The following C6 variants were observed in gnomAD, a reference collection of about 807,000 sequenced individuals.
C6 encodes complement C6.
A neutral mutation model predicts 112.9 loss-of-function variants in C6; 101 were observed. That is an observed-to-expected ratio of 0.89 (90% CI 0.76 to 1.06). The LOEUF (loss-of-function observed/expected upper bound fraction) is 1.06. Among genes scored for constraint, C6 ranks in the 50% least tolerant of loss-of-function variants. The probability of loss-of-function intolerance (pLI) is 0.00; values close to 1 mark genes in which losing one functional copy is unlikely to be tolerated. For synonymous variants in C6, 431 were observed against 384.1 expected (o/e 1.12, Z -1.43); for missense variants, 1,202 against 1,104.6 (o/e 1.09, Z -1.25).
rs554726589 is a variant in C6, at chr5:41,176,518, A to G, written c.1125T>C (p.Tyr375=). ...YFTSGSLGGV[Y]DLLYQFSSEE... is the part of the protein sequence containing the mutation. ...CACTGCTAAACTGATAGAGAAGGTC[A>G]TACACGCCTCCCAGGGAGCCAGAGG... The change falls in exon 8 of 18, where the codon TAT becomes TAC. Residue 375 remains tyrosine (Y), a synonymous_variant. Coordinates refer to ENST00000337836, the MANE Select transcript of C6 (RefSeq NM_000065.5). 8.1e-6 allele frequency: 13 copies of G among 1,613,850 alleles called. No individual in the cohort carries two copies. The East Asian group carries it at 2.7e-4, about 33-fold the overall frequency.
chr5:41,235,479 T>G (rs1423639368), intron 1 of C6, among the ~76,000 whole-genome samples: 21 of 142,856 alleles, frequency 1.5e-4, no homozygotes, highest in African/African-American at 4.8e-4. Context: ...TCTATCATTG[T>G]TGGACATTTG....
At chr5:41,182,640 C>T (rs892921737) in intron 6 of C6, among the ~76,000 whole-genome samples, 14 of 152,184 alleles carry the variant, frequency 9.2e-5, no homozygotes, top group African/African-American at 3.4e-4. Context: ...TGAATTTCTC[C>T]TCCTCTATTG....
At chr5:41,161,070 C>T (rs1453482605) in intron 10 of C6, among the ~76,000 whole-genome samples, 1 of 152,140 alleles carries the variant, frequency 6.6e-6, no homozygotes, top group African/African-American at 2.4e-5. Flanking sequence ...ATTCTATTTT[C>T]ATAATGATTG....
In C6 at chr5:41,203,168, G is replaced by A. The variant is rs925920209; in HGVS notation, c.63C>T (p.Ala21=). The change falls in exon 2 of 18, where the codon GCC becomes GCT. Residue 21 remains alanine (A), a synonymous_variant. Coordinates refer to ENST00000337836, the MANE Select transcript of C6 (RefSeq NM_000065.5). ...LLNALINKGQ[A]CFCDHYAWTQ... ...TCCATGCATAGTGATCACAGAAGCA[G>A]GCTTGGCCCTTGTTGATCAGAGCAT... 3 of 1,613,986 alleles carry A rather than the reference G, an allele frequency of 1.9e-6. No homozygotes were observed. The highest frequency in any genetic ancestry group is 1.3e-5 in the African/African-American group (1 of 74,920).
At position 41,201,627 on chromosome 5, in the gene C6, T is replaced by A. The variant is rs751748298; in HGVS notation, c.231A>T (p.Arg77Ser). 1.1e-4 allele frequency: 170 copies of A among 1,613,642 alleles called. No individual in the cohort carries two copies. Among genetic ancestry groups the A allele is most frequent in the Non-Finnish European group, 1.3e-4 (153 of 1,179,902 alleles). The change falls in exon 3 of 18, where the codon AGA becomes AGT. Residue 77 changes from arginine to serine, a missense_variant. Arg to Ser is a moderately radical substitution (Grantham distance 110). Coordinates refer to ENST00000337836, the MANE Select transcript of C6 (RefSeq NM_000065.5). ...CTCCCAGGAGGCAGTTGATGGGGCA[T>A]CTTTGCCAGTTACATTCTCTAGTCT... Reference protein sequence around the residue: ...KQETRECNWQRCPINCLLGDF... With the variant: ...KQETRECNWQSCPINCLLGDF...
chr5:41,208,831 A>C (rs1360626837), intron 1 of C6, among the ~76,000 whole-genome samples: 1 of 152,084 alleles, frequency 6.6e-6, no homozygotes, highest in Non-Finnish European at 1.5e-5. Flanking sequence ...AAACTATTCC[A>C]ATCAATAGAA....
At chr5:41,201,363 A>G (rs1336532678) in intron 3 of C6, among the ~76,000 whole-genome samples, 195 bp downstream of exon 3, 1 of 152,176 alleles carries the variant, frequency 6.6e-6, no homozygotes, top group Non-Finnish European at 1.5e-5. Context: ...TGTGTTCTTA[A>G]GACAGTAAAA....
chr5:41,173,204 G>A (rs763742045), intron 8 of C6, among the ~76,000 whole-genome samples: 7 of 152,228 alleles, frequency 4.6e-5, no homozygotes, highest in East Asian at 1.9e-4. Context: ...TATAACCTGC[G>A]AAAACCTTGA....
In C6 at chr5:41,160,157, G is replaced by A. The variant is rs768743014; in HGVS notation, c.1669C>T (p.Pro557Ser). 1 of 1,610,968 alleles carries A rather than the reference G, an allele frequency of 6.2e-7. No homozygotes were observed. Among genetic ancestry groups the A allele is most frequent in the Non-Finnish European group, 8.5e-7 (1 of 1,177,232 alleles). Residue 557 changes from proline (P) to serine (S), a missense_variant, in exon 11 of 18, where the codon CCA becomes TCA. Transcript: ENST00000337836. The stretch of plus-strand genomic sequence containing the variant: ...TGATACTTACTGGATTTATAATCTG[G>A]AGACTGTTTCTCACAGTTCTCACCA... ...TYGENCEKQSPDYKSNAVDGQ... is the reference protein window; with the variant it reads ...TYGENCEKQSSDYKSNAVDGQ...
chr5:41,148,498 A>T (rs2150227763), intron 17 of C6, among the ~76,000 whole-genome samples: 1 of 152,324 alleles, frequency 6.6e-6, no homozygotes, highest in East Asian at 1.9e-4. Flanking sequence ...GAGTGTCAGC[A>T]TCATACTGGC....
At chr5:41,199,650 C>A in intron 4 of C6, 118 bp downstream of exon 4, 1 of 1,025,388 alleles carries the variant, frequency 9.8e-7, no homozygotes, top group South Asian at 1.3e-5. Context: ...CCATTCCACT[C>A]TGCTTAAAAT....
At chr5:41,185,924 T>C in intron 6 of C6, 146 bp downstream of exon 6, 9 of 993,898 alleles carry the variant, frequency 9.1e-6, no homozygotes, top group Non-Finnish European at 1.4e-5. Context: ...TGTGTGTGCA[T>C]GGATAAAATA....
intron 6 of C6, 59 bp downstream of exon 6, chr5:41,186,011 G>A (rs1039372245): frequency 1.2e-6 from 2 of 1,601,056 alleles, no homozygotes; most frequent in Non-Finnish European, 1.7e-6. Context: ...TTTTGCATGA[G>A]AAATTTAGCT....
intron 1 of C6, among the ~76,000 whole-genome samples, chr5:41,226,650 T>G (rs1306656492): frequency 6.6e-6 from 1 of 152,122 alleles, no homozygotes; most frequent in Admixed American, 6.6e-5. Flanking sequence ...CCATTCTAGT[T>G]GCTGCTTCTG....
At chr5:41,241,886 G>T (rs569570060) in intron 1 of C6, among the ~76,000 whole-genome samples, 9 of 152,260 alleles carry the variant, frequency 5.9e-5, no homozygotes, top group African/African-American at 2.2e-4. Context: ...GACAGCTGGT[G>T]GACCAGTGTC....
At chr5:41,252,927 T>C (rs1387696772) in intron 1 of C6, among the ~76,000 whole-genome samples, 1 of 152,170 alleles carries the variant, frequency 6.6e-6, no homozygotes, top group Non-Finnish European at 1.5e-5. Flanking sequence ...GTAACTTTTG[T>C]CTCCTTAAAA....
chr5:41,234,418 T>G (rs572160319), intron 1 of C6, among the ~76,000 whole-genome samples: 11 of 151,802 alleles, frequency 7.2e-5, no homozygotes, highest in African/African-American at 2.7e-4. Flanking sequence ...GAAATCATTT[T>G]GCCAGATAAT....
In C6 at chr5:41,199,897, C is replaced by G. The variant is rs772864879; in HGVS notation, c.316G>C (p.Val106Leu). ...CCCCCAAACTGACTGGGACGCAAGA[C>G]AGATCTAACTTTAGACTGAAAGGAA... is the stretch of plus-strand genomic sequence containing the variant. Reference protein sequence around the residue: ...CIEKQSKVRSVLRPSQFGGQP... With the variant: ...CIEKQSKVRSLLRPSQFGGQP... The change falls in exon 4 of 18, where the codon GTC becomes CTC. Residue 106 changes from valine to leucine, a missense_variant. Coordinates refer to ENST00000337836, the MANE Select transcript of C6 (RefSeq NM_000065.5). The G allele has an allele frequency of 1.2e-6, 2 of 1,613,570 alleles. No homozygotes were observed. The highest frequency in any genetic ancestry group is 1.7e-6 in the Non-Finnish European group (2 of 1,179,696).
intron 9 of C6, among the ~76,000 whole-genome samples, chr5:41,170,744 T>G (rs1326271267): frequency 2.0e-5 from 3 of 152,192 alleles, no homozygotes; most frequent in Non-Finnish European, 4.4e-5. Flanking sequence ...TTCTTGTCTG[T>G]CTTCTCCATG....
Sources: allele counts gnomAD v4.1 joint callset (sites outside exome capture counted in the v4.1 genomes callset), GRCh38; gene constraint gnomAD v4.1.1; transcripts MANE v1.5; gene names NCBI Gene and HGNC (gene_info 2026-07-23, HGNC 2026-07-21).